Variants in CNOT10 observed in about 807,000 individuals in gnomAD.
CNOT10 encodes CCR4-NOT transcription complex, subunit 10.
Under a neutral mutation model 94.6 loss-of-function variants are expected in CNOT10, and 30 were observed. That is an observed-to-expected ratio of 0.32 (90% CI 0.24 to 0.43). The LOEUF (loss-of-function observed/expected upper bound fraction) is 0.43, where lower values mean the gene tolerates loss of function less well. Ranked by LOEUF, CNOT10 falls within the 20% of genes least tolerant of loss-of-function variation. The probability of loss-of-function intolerance (pLI) is 1.00; values close to 1 mark genes in which losing one functional copy is unlikely to be tolerated. For synonymous variants in CNOT10, 289 were observed against 301.6 expected, an observed-to-expected ratio of 0.96 and a Z score of 0.43; for missense variants, 759 against 877.2, an observed-to-expected ratio of 0.87 and a Z score of 1.70.
intron 3 of CNOT10, 66 bp from the exon 4 acceptor site, chr3:32,708,604 A>G: frequency 7.3e-7 from 1 of 1,372,472 alleles, no homozygotes. Flanking sequence ...TATTCATATG[A>G]ATTCTTTCAC....
At chr3:32,739,938 GA>G (rs1699383215) in intron 13 of CNOT10, among the ~76,000 whole-genome samples, 1 of 151,862 alleles carries the variant, frequency 6.6e-6, no homozygotes, top group Non-Finnish European at 1.5e-5. Context: ...AAGAAAAAAA[GA>G]AAAAAAATTA....
intron 13 of CNOT10, among the ~76,000 whole-genome samples, chr3:32,737,741 T>C (rs1342642621): frequency 6.6e-6 from 1 of 151,950 alleles, no homozygotes; most frequent in Non-Finnish European, 1.5e-5. Context: ...GAGAATTGCT[T>C]GAACCCGGGA....
chr3:32,721,429 CTTTTTTTTT>C (rs58351356), intron 8 of CNOT10, among the ~76,000 whole-genome samples: 1 of 72,594 alleles, frequency 1.4e-5, no homozygotes, highest in Non-Finnish European at 2.4e-5. Flanking sequence ...TTTCTTTCAT[CTTTTTTTTT>C]TTTTTTTTTT....
intron 1 of CNOT10, among the ~76,000 whole-genome samples, chr3:32,701,791 TG>T (rs1425757464): frequency 1.5e-4 from 23 of 152,074 alleles, no homozygotes; most frequent in South Asian, 4.2e-4. Context: ...CTCTGATAGT[TG>T]TTTTTGTTTG....
chr3:32,763,797 T>C (rs1322094927), intron 15 of CNOT10, among the ~76,000 whole-genome samples: 1 of 152,192 alleles, frequency 6.6e-6, no homozygotes, highest in Non-Finnish European at 1.5e-5. Context: ...AATTGCTTTA[T>C]ATTAAATTTC....
intron 14 of CNOT10, 47 bp downstream of exon 14, chr3:32,759,618 G>A (rs374162173): frequency 1.5e-6 from 2 of 1,371,190 alleles, no homozygotes; most frequent in Middle Eastern, 1.8e-4. Context: ...TAGTTTTGAG[G>A]TTTCTCCTTG....
intron 13 of CNOT10, among the ~76,000 whole-genome samples, chr3:32,743,597 A>G (rs546198792): frequency 1.3e-5 from 2 of 152,088 alleles, no homozygotes; most frequent in East Asian, 1.9e-4. Context: ...TCGTGCCACT[A>G]TACTCCAGCC....
At chr3:32,740,663 C>T (rs915296701) in intron 13 of CNOT10, among the ~76,000 whole-genome samples, 2 of 151,718 alleles carry the variant, frequency 1.3e-5, no homozygotes, top group African/African-American at 4.8e-5. Context: ...GAGATCGAGA[C>T]CATCCTAGCT....
chr3:32,769,982 T>C lies in CNOT10; in HGVS notation c.2080+20T>C. ...AGAATGGTGAGTAATTCTCTCTGTT[T>C]AGGACTTTATCCCTTGAAAGAGCCT... On this transcript the variant is annotated intron_variant, in intron 18 of 18. Transcript: ENST00000328834. 6.3e-7 allele frequency: 1 copy of C among 1,592,364 alleles called. No homozygotes were observed. The highest frequency in any genetic ancestry group is 8.6e-7 in the Non-Finnish European group (1 of 1,160,584).
At chr3:32,715,467 G>A (rs1373795627) in intron 5 of CNOT10, among the ~76,000 whole-genome samples, 1 of 152,152 alleles carries the variant, frequency 6.6e-6, no homozygotes, top group Admixed American at 6.5e-5. Flanking sequence ...GATGATGTTG[G>A]CAATATGAGT....
In CNOT10 at chr3:32,773,778, G is replaced by C. The variant is rs1167521177; in HGVS notation, c.*167G>C. The C allele has an allele frequency of 1.7e-6, 1 of 590,928 alleles. No individual in the cohort carries two copies. The highest frequency in any genetic ancestry group is 1.9e-5 in the African/African-American group (1 of 52,678). The allele number at this position is 590,928 out of a possible 1,614,324, so 36.6% of individuals were successfully genotyped here. ...TTACTTAAAATTAAGGATTTACTAA[G>C]TCATCATCAGCTGTTTTTCTTAATT... On this transcript the variant is annotated 3_prime_UTR_variant, in exon 19 of 19. Coordinates refer to ENST00000328834, the MANE Select transcript of CNOT10 (RefSeq NM_015442.3).
At chr3:32,754,518 C>CT (rs752732319) in intron 13 of CNOT10, among the ~76,000 whole-genome samples, 12,155 of 61,714 alleles carry the variant, frequency 0.2, 2,352 homozygotes, top group African/African-American at 0.3. Context: ...ATTTATTTTA[C>CT]TTTTTTTTTT....
Position 32,773,783 on chromosome 3 carries a change from C to T in CNOT10, c.*172C>T, listed in dbSNP as rs887046821. 1.2e-5 allele frequency: 7 copies of T among 578,442 alleles called. No homozygotes were observed. The Admixed American group carries it at 2.6e-4, about 21-fold the overall frequency. 35.8% of individuals were successfully genotyped at this position (578,442 alleles called of 1,614,324 possible). A position where few individuals can be genotyped will look rare whatever the true frequency, so the allele number is the denominator to read the frequency against. Reference sequence around the variant, plus strand: ...TAAAATTAAGGATTTACTAAGTCATCATCAGCTGTTTTTCTTAATTTCAGC... The same window carrying T: ...TAAAATTAAGGATTTACTAAGTCATTATCAGCTGTTTTTCTTAATTTCAGC... On this transcript the variant is annotated 3_prime_UTR_variant, in exon 19 of 19. Coordinates refer to ENST00000328834, the MANE Select transcript of CNOT10 (RefSeq NM_015442.3).
chr3:32,735,398 T>A (rs896114822), intron 12 of CNOT10, among the ~76,000 whole-genome samples: 15 of 151,918 alleles, frequency 9.9e-5, no homozygotes, highest in African/African-American at 3.6e-4. Flanking sequence ...TAAGAAGTCC[T>A]GTTGTCAGAC....
chr3:32,726,714 T>G, intron 9 of CNOT10, among the ~76,000 whole-genome samples: 1 of 148,292 alleles, frequency 6.7e-6, no homozygotes, highest in East Asian at 2.0e-4. Flanking sequence ...ATAATAATAA[T>G]AATAATAATA....
intron 13 of CNOT10, among the ~76,000 whole-genome samples, chr3:32,756,723 AT>A (rs1370880865): frequency 6.6e-6 from 1 of 152,218 alleles, no homozygotes; most frequent in Non-Finnish European, 1.5e-5. Flanking sequence ...TATGTGAGAT[AT>A]TGCTCTAGTC....
chr3:32,726,587 T>C (rs1345821980), intron 9 of CNOT10, among the ~76,000 whole-genome samples: 1 of 151,306 alleles, frequency 6.6e-6, no homozygotes, highest in African/African-American at 2.4e-5. Context: ...CCCCAGCTAC[T>C]TGGGAGACAG....
intron 6 of CNOT10, among the ~76,000 whole-genome samples, 161 bp downstream of exon 6, chr3:32,716,472 A>G (rs1297615608): frequency 6.6e-6 from 1 of 152,220 alleles, no homozygotes; most frequent in Non-Finnish European, 1.5e-5. Context: ...TTTATCCTAA[A>G]TACATTTTTC....
At chr3:32,690,125 A>G (rs1195478252) in intron 1 of CNOT10, among the ~76,000 whole-genome samples, 2 of 152,184 alleles carry the variant, frequency 1.3e-5, no homozygotes, top group Non-Finnish European at 2.9e-5. Context: ...AGTTTTCAAT[A>G]AGGGCATGAT....
Sources: allele counts gnomAD v4.1 joint callset (sites outside exome capture counted in the v4.1 genomes callset), GRCh38; gene constraint gnomAD v4.1.1; transcripts MANE v1.5; gene names NCBI Gene and HGNC (gene_info 2026-07-23, HGNC 2026-07-21).